The following DCC variants were observed in gnomAD, a reference collection of about 807,000 sequenced individuals.
The protein encoded by DCC is DCC netrin 1 receptor.
A neutral mutation model predicts 172.5 loss-of-function variants in DCC; 58 were observed. That is an observed-to-expected ratio of 0.34 (90% CI 0.27 to 0.42). The LOEUF is 0.42. Ranked by LOEUF, DCC falls within the 10% of genes least tolerant of loss-of-function variation. DCC has a pLI of 1.00. For missense variants in DCC, 1,740 were observed against 1,791.0 expected (o/e 0.97, Z 0.51); for synonymous variants, 709 against 644.5 (o/e 1.10, Z -1.52).
intron 5 of DCC, among the ~76,000 whole-genome samples, chr18:52,977,395 A>T (rs954243418): frequency 3.9e-5 from 6 of 152,158 alleles, no homozygotes; most frequent in Non-Finnish European, 7.4e-5. Flanking sequence ...ATTTAAAAAG[A>T]TCCCAGGGTG....
chr18:52,985,041 A>G (rs149711052), intron 5 of DCC, among the ~76,000 whole-genome samples: 4 of 152,076 alleles, frequency 2.6e-5, no homozygotes, highest in African/African-American at 7.2e-5. Context: ...GTGAAAATAC[A>G]TTTTTCTTAA....
chr18:52,877,287 A>T (rs1230196057), intron 2 of DCC, among the ~76,000 whole-genome samples: 1 of 152,186 alleles, frequency 6.6e-6, no homozygotes, highest in Non-Finnish European at 1.5e-5. Flanking sequence ...CACAACTGAA[A>T]GTGTCTCCAG....
At chr18:52,966,728 T>C (rs1217485535) in intron 5 of DCC, among the ~76,000 whole-genome samples, 2 of 152,206 alleles carry the variant, frequency 1.3e-5, no homozygotes, top group Non-Finnish European at 1.5e-5. Context: ...TGGGAATCAC[T>C]GTTTCTCCCT....
intron 15 of DCC, among the ~76,000 whole-genome samples, chr18:53,350,298 G>T (rs554800103): frequency 6.6e-6 from 1 of 152,276 alleles, no homozygotes; most frequent in East Asian, 1.9e-4. Flanking sequence ...ATTTAGCATT[G>T]CCATAGAAAG....
At chr18:52,693,884 A>G (rs2035970256) in intron 1 of DCC, among the ~76,000 whole-genome samples, 1 of 152,194 alleles carries the variant, frequency 6.6e-6, no homozygotes, top group Non-Finnish European at 1.5e-5. Flanking sequence ...AAACAATTGA[A>G]TAAATGAACA....
Position 52,599,803 on chromosome 18 carries a change from C to T in DCC, c.92-152251C>T, listed in dbSNP as rs373497727. 2.5e-3 allele frequency among the ~76,000 whole-genome samples: 380 copies of T among 152,102 alleles called. 4 individuals are homozygous for T. The highest frequency in any genetic ancestry group is 0.02 in the South Asian group (95 of 4,816). ...TGCTGGGATAACAGGTTTGAGCCAC[C>T]GCGCCCGGCCTGTCTATAAATATTT... On this transcript the variant is annotated intron_variant, in intron 1 of 28. Transcript: ENST00000442544.
intron 7 of DCC, among the ~76,000 whole-genome samples, chr18:53,128,709 A>G (rs2043600598): frequency 6.6e-6 from 1 of 151,744 alleles, no homozygotes; most frequent in Admixed American, 6.6e-5. Context: ...CTAGGGAGGA[A>G]GGAGGCAAAG....
chr18:52,584,531 G>A (rs1381007976), intron 1 of DCC, among the ~76,000 whole-genome samples: 1 of 152,086 alleles, frequency 6.6e-6, no homozygotes, highest in African/African-American at 2.4e-5. Context: ...ATAGTGCAGT[G>A]GTTTAGACTA....
chr18:53,506,167 C>G (rs1190482005), intron 27 of DCC, among the ~76,000 whole-genome samples: 4 of 151,994 alleles, frequency 2.6e-5, no homozygotes, highest in African/African-American at 9.7e-5. Context: ...TCATCGCCAC[C>G]CTTACATATG....
At chr18:53,059,323 T>C (rs1241381598) in intron 5 of DCC, among the ~76,000 whole-genome samples, 1 of 152,074 alleles carries the variant, frequency 6.6e-6, no homozygotes, top group African/African-American at 2.4e-5. Context: ...ACAGTAAACA[T>C]TTCAGGGTGA....
intron 12 of DCC, among the ~76,000 whole-genome samples, chr18:53,284,937 C>G (rs902176540): frequency 5.9e-5 from 9 of 152,100 alleles, no homozygotes; most frequent in Non-Finnish European, 1.2e-4. Context: ...TGCCCCTTCC[C>G]TAGAGATTTG....
At chr18:53,246,285 T>C (rs1277626106) in intron 12 of DCC, among the ~76,000 whole-genome samples, 2 of 152,044 alleles carry the variant, frequency 1.3e-5, no homozygotes, top group African/African-American at 4.8e-5. Flanking sequence ...AGGGGTTTCC[T>C]GGCTATTTAC....
intron 1 of DCC, among the ~76,000 whole-genome samples, chr18:52,618,791 A>G (rs1333325177): frequency 1.3e-5 from 2 of 152,128 alleles, no homozygotes; most frequent in Non-Finnish European, 2.9e-5. Flanking sequence ...GCGCCCCCAG[A>G]CTTTTAATTC....
At chr18:52,836,511 C>T (rs979294712) in intron 2 of DCC, among the ~76,000 whole-genome samples, 1 of 152,070 alleles carries the variant, frequency 6.6e-6, no homozygotes, top group Non-Finnish European at 1.5e-5. Context: ...AGAAAGTGGC[C>T]AAAACAAAGG....
chr18:53,141,570 C>G (rs2043831003), intron 7 of DCC, among the ~76,000 whole-genome samples: 1 of 152,290 alleles, frequency 6.6e-6, no homozygotes, highest in East Asian at 1.9e-4. Flanking sequence ...TTACCCTGGA[C>G]TAGCATGAGG....
rs997001894 is a variant in DCC at position 53,157,732 on chromosome 18, G to T, written c.1418+220G>T. Among the ~76,000 whole-genome samples, 7 of 152,132 alleles carry T rather than the reference G, an allele frequency of 4.6e-5. No homozygotes were observed. The East Asian group carries it at 5.8e-4, about 13-fold the overall frequency. ...TCTGTATAAAAAATCCTTGAAAAAG[G>T]TAAGAATATATTATGTCAATTTTTT... is the stretch of plus-strand genomic sequence containing the variant. On this transcript the variant is annotated intron_variant, in intron 8 of 28. Coordinates refer to ENST00000442544, the MANE Select transcript of DCC (RefSeq NM_005215.4).
In DCC at chr18:53,003,220, G is replaced by T. The variant is rs985464801; in HGVS notation, c.986-60085G>T. 1.4e-4 allele frequency among the ~76,000 whole-genome samples: 16 copies of T among 116,388 alleles called. No homozygotes were observed. The East Asian group carries it at 3.5e-3, about 26-fold the overall frequency. The allele number at this position is 116,388 out of a possible 152,430, so 76.4% of individuals were successfully genotyped here. The stretch of plus-strand genomic sequence containing the variant: ...GCTTCTCAATGGTCAGACCCTGAAT[G>T]ACTAATTAGAAGGCTGCAAGAAATC... On this transcript the variant is annotated intron_variant, in intron 5 of 28. Transcript: ENST00000442544.
intron 22 of DCC, among the ~76,000 whole-genome samples, chr18:53,437,913 C>A (rs948912199): frequency 6.6e-6 from 1 of 152,084 alleles, no homozygotes; most frequent in Admixed American, 6.6e-5. Flanking sequence ...GGTTAATTGC[C>A]TGGGTGGACA....
At position 52,633,123 on chromosome 18, in the gene DCC, TTCCTGTCCTG is replaced by T. The variant is rs373353322; in HGVS notation, c.92-118896_92-118887del. Among the ~76,000 whole-genome samples the T allele has an allele frequency of 1.3e-3, 171 of 128,920 alleles. 1 individual carries two copies. The highest frequency in any genetic ancestry group is 6.7e-3 in the East Asian group (19 of 2,850). The allele number at this position is 128,920 out of a possible 152,430, so 84.6% of individuals were successfully genotyped here. A position where few individuals can be genotyped will look rare whatever the true frequency, so the allele number is the denominator to read the frequency against. Reference sequence around the variant, plus strand: ...CATTCTTTCTCTTTCTTCCTTTCCTTTCCTGTCCTGTCCTGTCCTGTCCTGTCCTGTCCTG... The same window carrying T: ...CATTCTTTCTCTTTCTTCCTTTCCTTTCCTGTCCTGTCCTGTCCTGTCCTG... On this transcript the variant is annotated intron_variant, in intron 1 of 28. Coordinates refer to ENST00000442544, the MANE Select transcript of DCC (RefSeq NM_005215.4).
Sources: allele counts gnomAD v4.1 joint callset (sites outside exome capture counted in the v4.1 genomes callset), GRCh38; gene constraint gnomAD v4.1.1; transcripts MANE v1.5; gene names NCBI Gene and HGNC (gene_info 2026-07-23, HGNC 2026-07-21).